EYA4: variants seen among roughly 807,000 people sequenced by gnomAD.
EYA4 encodes EYA transcriptional coactivator and phosphatase 4.
Under a neutral mutation model 87.9 loss-of-function variants are expected in EYA4, and 31 were observed. The observed-to-expected ratio is 0.35, with a 90% CI of 0.27 to 0.48. The LOEUF (loss-of-function observed/expected upper bound fraction) is 0.48. Among genes scored for constraint, EYA4 ranks in the 20% least tolerant of loss-of-function variants. EYA4 has a pLI of 0.99. For missense variants in EYA4, 678 were observed against 761.4 expected, an observed-to-expected ratio of 0.89 and a Z score of 1.29; for synonymous variants, 263 against 270.6, an observed-to-expected ratio of 0.97 and a Z score of 0.28.
chr6:133,303,306 G>T (rs541213289), intron 2 of EYA4, among the ~76,000 whole-genome samples: 1 of 152,086 alleles, frequency 6.6e-6, no homozygotes, highest in African/African-American at 2.4e-5. Flanking sequence ...ATTTGTTTTG[G>T]CCTTTATGTC....
In EYA4 at chr6:133,466,253, GA is replaced by G. The variant is rs577870446; in HGVS notation, c.804+1399del. Among the ~76,000 whole-genome samples the G allele has an allele frequency of 7.9e-5, 12 of 152,268 alleles. No individual in the cohort carries two copies. In the South Asian group the frequency reaches 2.5e-3, roughly 32 times the overall value. Reference sequence around the variant, plus strand: ...CTCTGCCTCTATTTGGGAGGATTAAGAAAAGATTTGTAAAGGAAAAGAGCAT... The same window carrying G: ...CTCTGCCTCTATTTGGGAGGATTAAGAAAGATTTGTAAAGGAAAAGAGCAT... On this transcript the variant is annotated intron_variant, in intron 10 of 19. Coordinates refer to ENST00000355286, the MANE Select transcript of EYA4 (RefSeq NM_004100.5).
intron 2 of EYA4, among the ~76,000 whole-genome samples, chr6:133,358,692 A>C (rs9375959): frequency 0.19 from 28,567 of 152,172 alleles, 3,344 homozygotes; most frequent in South Asian, 0.35. Flanking sequence ...GTTGAGTGCT[A>C]TTCTGCTCCA....
chr6:133,435,290 A>T (rs767072358), intron 3 of EYA4: 1 of 152,434 alleles, frequency 6.6e-6, no homozygotes, highest in East Asian at 1.9e-4. Flanking sequence ...TCACCCTGGC[A>T]GATGGGTCAC....
chr6:133,440,704 G>A (rs1792188552), intron 3 of EYA4, among the ~76,000 whole-genome samples: 1 of 151,958 alleles, frequency 6.6e-6, no homozygotes, highest in African/African-American at 2.4e-5. Flanking sequence ...ATTGTGAAGG[G>A]GAAATTGTGA....
At chr6:133,275,832 A>G (rs1246576321) in intron 2 of EYA4, among the ~76,000 whole-genome samples, 1 of 152,166 alleles carries the variant, frequency 6.6e-6, no homozygotes, top group Non-Finnish European at 1.5e-5. Flanking sequence ...TATATATTAT[A>G]TTATGATTTA....
chr6:133,481,373 A>G (rs1054508348), intron 11 of EYA4, 90 bp from the exon 12 acceptor site: 19 of 1,275,552 alleles, frequency 1.5e-5, no homozygotes, highest in Middle Eastern at 2.5e-4. Flanking sequence ...TTTCTATTGT[A>G]TAGGAATTTG....
intron 3 of EYA4, among the ~76,000 whole-genome samples, chr6:133,406,891 A>C (rs996529496): frequency 1.3e-5 from 2 of 152,184 alleles, no homozygotes; most frequent in Admixed American, 1.3e-4. Context: ...ATAATTTAAA[A>C]TTAAAGTTAC....
chr6:133,419,219 C>T (rs781346115), intron 3 of EYA4, among the ~76,000 whole-genome samples: 24 of 152,146 alleles, frequency 1.6e-4, no homozygotes, highest in Non-Finnish European at 2.9e-4. Flanking sequence ...AACAGTGTGT[C>T]AGCCAGCTTT....
chr6:133,398,347 T>G (rs1242012569), intron 3 of EYA4, among the ~76,000 whole-genome samples: 2 of 152,210 alleles, frequency 1.3e-5, no homozygotes, highest in Admixed American at 6.5e-5. Context: ...CTTACTCCTT[T>G]TCTTATGGGG....
In EYA4 at chr6:133,354,435, G is replaced by C. The variant is rs187301051; in HGVS notation, c.34-27957G>C. ...AGTAATAATAGAGGAAGAAGATAAA[G>C]ACTAGCTACTGTTTCCCGAATGTTT... On this transcript the variant is annotated intron_variant, in intron 2 of 19. Transcript: ENST00000355286. Among the ~76,000 whole-genome samples, 500 of 152,212 alleles carry C rather than the reference G, an allele frequency of 3.3e-3. 3 individuals carry two copies. Among genetic ancestry groups the C allele is most frequent in the African/African-American group, 0.011 (468 of 41,548 alleles).
intron 2 of EYA4, among the ~76,000 whole-genome samples, chr6:133,335,260 A>C (rs1407128743): frequency 6.6e-6 from 1 of 152,212 alleles, no homozygotes; most frequent in East Asian, 1.9e-4. Context: ...TTTTTGGCTA[A>C]TTACAGAAGG....
intron 1 of EYA4, among the ~76,000 whole-genome samples, chr6:133,261,899 G>A (rs893182556): frequency 8.5e-5 from 13 of 152,068 alleles, no homozygotes; most frequent in African/African-American, 3.1e-4. Context: ...GTTATTAAAA[G>A]CCCTATTTTA....
Position 133,420,978 on chromosome 6 carries a change from C to T in EYA4, c.84-25652C>T, listed in dbSNP as rs141412517. Among the ~76,000 whole-genome samples, 814 of 152,320 alleles carry T rather than the reference C, an allele frequency of 5.3e-3. 5 individuals carry two copies. The highest frequency in any genetic ancestry group is 0.019 in the African/African-American group (794 of 41,570). On this transcript the variant is annotated intron_variant, in intron 3 of 19. Transcript: ENST00000355286. ...TCTGTCATACGTTTCTTTTCACTTA[C>T]TACTGTTACTGTAGCCTGCCTCCAC...
chr6:133,348,261 GTTTTTTTTT>G (rs35905853), intron 2 of EYA4, among the ~76,000 whole-genome samples: 2 of 68,782 alleles, frequency 2.9e-5, no homozygotes, highest in African/African-American at 1.3e-4. Flanking sequence ...TCTTCAAGTA[GTTTTTTTTT>G]TTTTTTTTTT....
At chr6:133,270,991 C>G (rs1776642194) in intron 1 of EYA4, among the ~76,000 whole-genome samples, 1 of 152,118 alleles carries the variant, frequency 6.6e-6, no homozygotes, top group African/African-American at 2.4e-5. Flanking sequence ...GGCAGTGTTC[C>G]TCCCTCTGGA....
intron 2 of EYA4, among the ~76,000 whole-genome samples, chr6:133,321,570 G>C (rs1781095518): frequency 6.6e-6 from 1 of 152,128 alleles, no homozygotes; most frequent in Non-Finnish European, 1.5e-5. Flanking sequence ...CTACCTATTT[G>C]AAAATCCTAA....
intron 2 of EYA4, among the ~76,000 whole-genome samples, chr6:133,275,289 G>A (rs1777072776): frequency 6.6e-6 from 1 of 152,068 alleles, no homozygotes. Flanking sequence ...CAGCTTGATG[G>A]CAATCCTTTT....
At chr6:133,356,791 G>GTA (rs150806047) in intron 2 of EYA4, among the ~76,000 whole-genome samples, 89 of 112,928 alleles carry the variant, frequency 7.9e-4, no homozygotes, top group Middle Eastern at 4.2e-3. Context: ...GTGTGTGTGT[G>GTA]TATATATATA....
intron 2 of EYA4, 64 bp from the exon 3 acceptor site, chr6:133,382,328 T>A: frequency 8.9e-7 from 1 of 1,119,738 alleles, no homozygotes. Context: ...GCTTTAATAG[T>A]GTGTGAACCT....
Sources: allele counts gnomAD v4.1 joint callset (sites outside exome capture counted in the v4.1 genomes callset), GRCh38; gene constraint gnomAD v4.1.1; transcripts MANE v1.5; gene names NCBI Gene and HGNC (gene_info 2026-07-23, HGNC 2026-07-21).